The following MGAT3 variants were observed in gnomAD, a reference collection of about 807,000 sequenced individuals.
MGAT3 encodes the protein beta-1,4-mannosyl-glycoprotein 4-beta-N-acetylglucosaminyltransferase.
In MGAT3, 9 loss-of-function variants were observed where a neutral mutation model predicts 29.8. That is an observed-to-expected ratio of 0.30 (90% CI 0.18 to 0.53). The LOEUF (loss-of-function observed/expected upper bound fraction) is 0.53. Ranked by LOEUF, MGAT3 falls within the 20% of genes least tolerant of loss-of-function variation. MGAT3 has a pLI of 0.96. For missense variants in MGAT3, 557 were observed against 769.5 expected (o/e 0.72, Z 3.27); for synonymous variants, 397 against 348.9 (o/e 1.14, Z -1.54).
chr22:39,489,058 G>GGT lies in MGAT3; in HGVS notation c.*109_*110insGT. The GGT allele has an allele frequency of 8.2e-7, 1 of 1,222,320 alleles. No homozygotes were observed. The highest frequency in any genetic ancestry group is 1.1e-6 in the Non-Finnish European group (1 of 896,912). 75.7% of individuals were successfully genotyped at this position (1,222,320 alleles called of 1,614,324 possible). A position where few individuals can be genotyped will look rare whatever the true frequency, so the allele number is the denominator to read the frequency against. On this transcript the variant is annotated 3_prime_UTR_variant, in exon 2 of 2. Transcript: ENST00000341184. ...TGGTTCTTGAGGGGACCAGGAGTGG[G>GGT]TGGGGAGTGGGGGTGGGGGTAGGGT...
chr22:39,458,980 T>C (rs1163340996), intron 1 of MGAT3, among the ~76,000 whole-genome samples: 1 of 152,172 alleles, frequency 6.6e-6, no homozygotes, highest in Admixed American at 6.5e-5. Flanking sequence ...TGCCGCTGGC[T>C]CAGACCCATT....
chr22:39,464,790 G>T (rs574198536), intron 1 of MGAT3, among the ~76,000 whole-genome samples: 142 of 147,156 alleles, frequency 9.6e-4, no homozygotes, highest in Non-Finnish European at 1.8e-3. Context: ...TTGCTCTGTT[G>T]CCCAGGCTGG....
chr22:39,471,767 G>A (rs1284891611), intron 1 of MGAT3, among the ~76,000 whole-genome samples: 2 of 152,088 alleles, frequency 1.3e-5, no homozygotes, highest in African/African-American at 4.8e-5. Context: ...GGGGCAGAGG[G>A]GCAGAGCGAC....
chr22:39,459,769 T>C (rs762839853), intron 1 of MGAT3, among the ~76,000 whole-genome samples: 1 of 152,216 alleles, frequency 6.6e-6, no homozygotes, highest in Admixed American at 6.5e-5. Context: ...GGGGAGAATT[T>C]TGAATGGAAT....
At position 39,487,285 on chromosome 22, in the gene MGAT3, C is replaced by T; in HGVS notation, c.-1-62C>T. 2.6e-6 allele frequency: 4 copies of T among 1,518,688 alleles called. No homozygotes were observed. The highest frequency in any genetic ancestry group is 3.6e-6 in the Non-Finnish European group (4 of 1,126,070). The allele number at this position is 1,518,688 out of a possible 1,614,324, so 94.1% of individuals were successfully genotyped here. On this transcript the variant is annotated intron_variant, in intron 1 of 1. Coordinates refer to ENST00000341184, the MANE Select transcript of MGAT3 (RefSeq NM_002409.5). The surrounding 1 kb of genome is among the most constrained non-coding windows in gnomAD (Gnocchi z 5.7). ...GGTGGCAGCAGAGGCCTCCTAGGTC[C>T]CCTTCCTAGGAAAGGAGCCTGGGCT... is the stretch of plus-strand genomic sequence containing the variant.
At chr22:39,475,611 G>A (rs900077800) in intron 1 of MGAT3, among the ~76,000 whole-genome samples, 1 of 152,066 alleles carries the variant, frequency 6.6e-6, no homozygotes, top group Non-Finnish European at 1.5e-5. Context: ...CCTTCATCAC[G>A]GGCCGTCTCT....
intron 1 of MGAT3, chr22:39,476,802 TC>T: frequency 6.6e-6 from 1 of 152,272 alleles, no homozygotes. Context: ...CATATCTGCG[TC>T]CCCGATGACC....
Position 39,487,594 on chromosome 22 carries a change from C to A in MGAT3, c.247C>A (p.Pro83Thr). The A allele has an allele frequency of 2.5e-6, 4 of 1,611,258 alleles. No individual in the cohort carries two copies. The highest frequency in any genetic ancestry group is 3.4e-6 in the Non-Finnish European group (4 of 1,179,212). ...PLYSHSPLLQ[P>T]LPPSKAAEEL... The stretch of plus-strand genomic sequence containing the variant: ...CTACTCCCACTCGCCCCTGCTGCAG[C>A]CGCTGCCGCCCAGCAAGGCGGCCGA... The change falls in exon 2 of 2, where the codon CCG (proline) becomes ACG (threonine). Residue 83 changes from proline to threonine, a missense_variant. Transcript: ENST00000341184. The surrounding 1 kb of genome is among the most constrained non-coding windows in gnomAD (Gnocchi z 5.7).
chr22:39,464,945 C>T lies in MGAT3; in HGVS notation c.-2+7388C>T, dbSNP rs187241318. 7.6e-4 allele frequency among the ~76,000 whole-genome samples: 115 copies of T among 151,870 alleles called. 1 individual carries two copies. The highest frequency in any genetic ancestry group is 2.6e-3 in the African/African-American group (106 of 41,404). On this transcript the variant is annotated intron_variant, in intron 1 of 1. Transcript: ENST00000341184. ...TTTTTTTTCGTATTTTTAGTAGAGACGGGGTTTCACCATGTTAGCCAGCAT... is the reference window on the plus strand; with the variant it reads ...TTTTTTTTCGTATTTTTAGTAGAGATGGGGTTTCACCATGTTAGCCAGCAT...
In MGAT3 at chr22:39,488,080, T is replaced by C; in HGVS notation, c.733T>C (p.Tyr245His). The C allele has an allele frequency of 6.2e-7, 1 of 1,612,202 alleles. No homozygotes were observed. The highest frequency in any genetic ancestry group is 8.5e-7 in the Non-Finnish European group (1 of 1,179,106). The change falls in exon 2 of 2, where the codon TAT (tyrosine) becomes CAT (histidine). Residue 245 changes from tyrosine (Y) to histidine (H), a missense_variant. Coordinates refer to ENST00000341184, the MANE Select transcript of MGAT3 (RefSeq NM_002409.5). Reference sequence around the variant, plus strand: ...GGTGTGCGAGTCCAACTTCACGGCTTATGGGGAGCCGCGGCCGCTCAAGTT... The same window carrying C: ...GGTGTGCGAGTCCAACTTCACGGCTCATGGGGAGCCGCGGCCGCTCAAGTT... ...FVVCESNFTAYGEPRPLKFRE... is the reference protein window; with the variant it reads ...FVVCESNFTAHGEPRPLKFRE...
At chr22:39,480,088 A>G (rs1411013965) in intron 1 of MGAT3, among the ~76,000 whole-genome samples, 1 of 152,188 alleles carries the variant, frequency 6.6e-6, no homozygotes, top group African/African-American at 2.4e-5. Flanking sequence ...AACATTGATG[A>G]TGATGAGGAG....
At chr22:39,460,098 G>A (rs932377032) in intron 1 of MGAT3, among the ~76,000 whole-genome samples, 7 of 152,186 alleles carry the variant, frequency 4.6e-5, no homozygotes, top group Admixed American at 6.5e-5. Context: ...GCACCCACCC[G>A]CCCAGCCAAG....
intron 1 of MGAT3, among the ~76,000 whole-genome samples, chr22:39,467,809 CA>C (rs34945926): frequency 0.029 from 1,770 of 61,104 alleles, 27 homozygotes; most frequent in African/African-American, 0.093. Context: ...GGCTCAGTCT[CA>C]AAAAAAAAAA....
In MGAT3 at chr22:39,487,327, T is replaced by G. The variant is rs1432455830; in HGVS notation, c.-1-20T>G. 1 of 1,601,642 alleles carries G rather than the reference T, an allele frequency of 6.2e-7. No individual in the cohort carries two copies. The highest frequency in any genetic ancestry group is 1.1e-5 in the South Asian group (1 of 90,358). On this transcript the variant is annotated intron_variant, in intron 1 of 1. Transcript: ENST00000341184. This position sits in a 1 kb window ranked among gnomAD's most constrained non-coding sequence, Gnocchi z 5.7. ...GCCTGGGCTGCCCTGATGAGTCTCC[T>G]GTCTCTCTCTCTCCCGCAGGATGAA...
intron 1 of MGAT3, among the ~76,000 whole-genome samples, chr22:39,476,152 T>C: frequency 6.6e-6 from 1 of 151,190 alleles, no homozygotes; most frequent in African/African-American, 2.4e-5. Context: ...TGGGGATGGG[T>C]TTGGAGGGGA....
At chr22:39,460,917 CCT>C (rs1253677456) in intron 1 of MGAT3, among the ~76,000 whole-genome samples, 2 of 152,272 alleles carry the variant, frequency 1.3e-5, no homozygotes, top group South Asian at 4.1e-4. Flanking sequence ...CCGATTCACC[CCT>C]GCCTCCTTGG....
intron 1 of MGAT3, among the ~76,000 whole-genome samples, chr22:39,478,518 G>A (rs1199664472): frequency 1.3e-5 from 2 of 152,218 alleles, no homozygotes; most frequent in African/African-American, 2.4e-5. Flanking sequence ...TCTGAACCAC[G>A]GAGGTGGGTG....
chr22:39,475,643 C>T (rs1303042352), intron 1 of MGAT3, among the ~76,000 whole-genome samples: 2 of 152,214 alleles, frequency 1.3e-5, no homozygotes, highest in Non-Finnish European at 2.9e-5. Context: ...CCCTGGGATG[C>T]TCCCTTGCTC....
At position 39,458,699 on chromosome 22, in the gene MGAT3, C is replaced by G. The variant is rs1012406154; in HGVS notation, c.-2+1142C>G. On this transcript the variant is annotated intron_variant, in intron 1 of 1. Coordinates refer to ENST00000341184, the MANE Select transcript of MGAT3 (RefSeq NM_002409.5). ...TACTGGAAGAGATGACGACAGGAAG[C>G]TGCCAGAGATCTCTGGGTAGAGAAA... Among the ~76,000 whole-genome samples the G allele has an allele frequency of 2.6e-5, 4 of 152,314 alleles. No homozygotes were observed. The East Asian group carries it at 5.8e-4, about 22-fold the overall frequency.
Sources: allele counts gnomAD v4.1 joint callset (sites outside exome capture counted in the v4.1 genomes callset), GRCh38; gene constraint gnomAD v4.1.1; non-coding constraint Gnocchi (gnomAD v3.1); transcripts MANE v1.5; gene names NCBI Gene and HGNC (gene_info 2026-07-23, HGNC 2026-07-21).